Variants in WWOX observed in about 807,000 individuals in gnomAD.
WWOX encodes the protein WW domain containing oxidoreductase.
In WWOX, 69 loss-of-function variants were observed where a neutral mutation model predicts 46.2. The ratio of observed to expected loss-of-function variants is 1.49; its 90% CI spans 1.23 to 1.82. The LOEUF (loss-of-function observed/expected upper bound fraction) is 1.82. WWOX is among the 40% of genes most tolerant of loss of function. WWOX has a pLI of 0.00. For synonymous variants in WWOX, 359 were observed against 202.6 expected (o/e 1.77, Z -6.56); for missense variants, 919 against 542.6 (o/e 1.69, Z -6.89).
intron 8 of WWOX, among the ~76,000 whole-genome samples, chr16:79,170,756 A>G (rs1483109343): frequency 1.3e-5 from 2 of 152,036 alleles, no homozygotes; most frequent in African/African-American, 4.8e-5. Flanking sequence ...TTCTAAATTT[A>G]GAAGTTACAT....
intron 8 of WWOX, among the ~76,000 whole-genome samples, chr16:78,794,512 T>A (rs2050688285): frequency 6.6e-6 from 1 of 152,208 alleles, no homozygotes; most frequent in South Asian, 2.1e-4. Flanking sequence ...ACTCTCTGAA[T>A]ACCAATTTTC....
intron 8 of WWOX, among the ~76,000 whole-genome samples, chr16:79,066,085 ACCTGTCT>A (rs760349163): frequency 9.1e-4 from 138 of 152,102 alleles, no homozygotes; most frequent in Non-Finnish European, 1.4e-3. Flanking sequence ...TCTCCTTCAC[ACCTGTCT>A]CCTGTCTCCT....
intron 4 of WWOX, among the ~76,000 whole-genome samples, chr16:78,129,293 C>G (rs1207936784): frequency 1.3e-5 from 2 of 152,152 alleles, no homozygotes; most frequent in Admixed American, 1.3e-4. Context: ...ATGTTTGCAT[C>G]TCACTTGTAT....
chr16:79,089,272 A>G (rs551525341), intron 8 of WWOX, among the ~76,000 whole-genome samples: 3 of 151,978 alleles, frequency 2.0e-5, no homozygotes, highest in East Asian at 3.9e-4. Context: ...GAATATTTGT[A>G]AAGTTCCTGG....
At chr16:79,029,929 A>G (rs1012459687) in intron 8 of WWOX, among the ~76,000 whole-genome samples, 30 of 152,206 alleles carry the variant, frequency 2.0e-4, no homozygotes, top group African/African-American at 6.5e-4. Context: ...CTGGTATAAT[A>G]GGGGCCAAGA....
chr16:79,143,749 C>G (rs920560762), intron 8 of WWOX, among the ~76,000 whole-genome samples: 1 of 152,034 alleles, frequency 6.6e-6, no homozygotes, highest in Admixed American at 6.5e-5. Context: ...CTCTATGCGC[C>G]CATGGGAAAC....
chr16:78,828,252 A>G (rs2051717603), intron 8 of WWOX, among the ~76,000 whole-genome samples: 1 of 152,226 alleles, frequency 6.6e-6, no homozygotes, highest in Non-Finnish European at 1.5e-5. Flanking sequence ...GACAATGACA[A>G]TAAAAGCACA....
chr16:78,974,566 C>T (rs574904622), intron 8 of WWOX, among the ~76,000 whole-genome samples: 1 of 152,164 alleles, frequency 6.6e-6, no homozygotes, highest in Non-Finnish European at 1.5e-5. Flanking sequence ...AAATATTGTG[C>T]AATGTGCAGG....
At chr16:79,062,745 A>C in intron 8 of WWOX, among the ~76,000 whole-genome samples, 1 of 152,052 alleles carries the variant, frequency 6.6e-6, no homozygotes, top group Non-Finnish European at 1.5e-5. Context: ...GCTTTATTTA[A>C]CTCCTTCAGC....
At chr16:78,259,222 A>G (rs2038214682) in intron 5 of WWOX, among the ~76,000 whole-genome samples, 1 of 152,262 alleles carries the variant, frequency 6.6e-6, no homozygotes, top group African/African-American at 2.4e-5. Context: ...ACAATTGGCA[A>G]AACTCTAAAA....
chr16:78,885,059 AC>A (rs1375037056), intron 8 of WWOX, among the ~76,000 whole-genome samples: 1 of 152,128 alleles, frequency 6.6e-6, no homozygotes, highest in African/African-American at 2.4e-5. Flanking sequence ...CCAACATGGC[AC>A]CCCAGGTTCA....
At chr16:78,129,980 T>A (rs2033524406) in intron 4 of WWOX, 1 of 152,090 alleles carries the variant, frequency 6.6e-6, no homozygotes, top group African/African-American at 2.4e-5. Context: ...ATCATGCTGT[T>A]CTCACGATAA....
intron 8 of WWOX, among the ~76,000 whole-genome samples, chr16:78,659,112 AC>A (rs1277267777): frequency 3.3e-5 from 5 of 149,458 alleles, no homozygotes; most frequent in African/African-American, 1.3e-4. Flanking sequence ...AAACAAACAA[AC>A]AAAAAAAAAA....
At chr16:78,720,200 A>T (rs975502935) in intron 8 of WWOX, among the ~76,000 whole-genome samples, 2 of 152,164 alleles carry the variant, frequency 1.3e-5, no homozygotes, top group African/African-American at 4.8e-5. Context: ...TTTAGACCCT[A>T]CCAGTAAGAC....
intron 7 of WWOX, among the ~76,000 whole-genome samples, chr16:78,426,304 C>G (rs1250048191): frequency 6.6e-6 from 1 of 152,092 alleles, no homozygotes; most frequent in African/African-American, 2.4e-5. Flanking sequence ...TCTGCCAGCC[C>G]CAGTCATCCA....
intron 8 of WWOX, among the ~76,000 whole-genome samples, chr16:78,567,351 C>G (rs1597279107): frequency 6.6e-6 from 1 of 151,596 alleles, no homozygotes. Context: ...CGAGACCATC[C>G]TGGTTAACAC....
intron 8 of WWOX, among the ~76,000 whole-genome samples, chr16:78,662,013 C>A (rs1243547951): frequency 6.6e-6 from 1 of 152,154 alleles, no homozygotes; most frequent in Non-Finnish European, 1.5e-5. Context: ...CACTGCACTC[C>A]AGCCTGGATG....
intron 8 of WWOX, among the ~76,000 whole-genome samples, chr16:78,614,884 A>G (rs1380284246): frequency 6.6e-6 from 1 of 152,188 alleles, no homozygotes; most frequent in Non-Finnish European, 1.5e-5. Context: ...TGCTGCAGCC[A>G]TCAAGCCATC....
Position 78,878,353 on chromosome 16 carries a change from C to A in WWOX, c.1057-333255C>A, listed in dbSNP as rs1188546135. 2.0e-5 allele frequency among the ~76,000 whole-genome samples: 3 copies of A among 152,164 alleles called. No homozygotes were observed. In the East Asian group the frequency reaches 5.8e-4, roughly 29 times the overall value. On this transcript the variant is annotated intron_variant, in intron 8 of 8. Transcript: ENST00000566780. ...TGCAGGCAGGCCCCTGGGTTCAATT[C>A]CTGCCCCTGTCATTGAGTAAAGTAA...
Sources: gnomAD v4.1 joint callset for allele counts (sites outside exome capture counted in the v4.1 genomes callset) on GRCh38, gnomAD v4.1.1 for gene constraint, MANE v1.5 for transcripts, NCBI Gene and HGNC (gene_info 2026-07-23, HGNC 2026-07-21) for gene names.